ATP10B: variants seen among roughly 807,000 people sequenced by gnomAD.
The protein encoded by ATP10B is ATPase phospholipid transporting 10B (putative), also known as phospholipid-transporting ATPase VB.
ATP10B carries 122 observed loss-of-function variants against 141.2 expected under a neutral mutation model. The ratio of observed to expected loss-of-function variants is 0.86; its 90% confidence interval spans 0.75 to 1.00. ATP10B has a LOEUF of 1.00. Among genes scored for constraint, ATP10B ranks in the 50% least tolerant of loss-of-function variants. The pLI, the probability that ATP10B is intolerant of heterozygous loss-of-function variation, is 0.00. For missense variants in ATP10B, 1,876 were observed against 1,825.3 expected, an observed-to-expected ratio of 1.03 and a Z score of -0.51; for synonymous variants, 685 against 692.0, an observed-to-expected ratio of 0.99 and a Z score of 0.16.
intron 2 of ATP10B, among the ~76,000 whole-genome samples, chr5:160,760,459 C>G (rs1768949972): frequency 6.6e-6 from 1 of 152,126 alleles, no homozygotes; most frequent in South Asian, 2.1e-4. Context: ...ACCAAAGTTC[C>G]CCGTTCTTTT....
chr5:160,732,910 A>G (rs1766841635), intron 2 of ATP10B, among the ~76,000 whole-genome samples: 1 of 152,128 alleles, frequency 6.6e-6, no homozygotes, highest in Non-Finnish European at 1.5e-5. Flanking sequence ...TGGCACAATC[A>G]TAACTCACTG....
chr5:160,606,882 ACTT>A lies in ATP10B; in HGVS notation c.3040_3042del (p.Lys1014del). 1 of 1,614,140 alleles carries A rather than the reference ACTT, an allele frequency of 6.2e-7. No individual in the cohort carries two copies. The highest frequency in any genetic ancestry group is 8.5e-7 in the Non-Finnish European group (1 of 1,180,018). On this transcript the variant is annotated inframe_deletion, in exon 19 of 26. Transcript: ENST00000327245. ...CGACAATACTGGGTCAATTCCAGAA[ACTT>A]CTTCTCTAGCTTTCCCTGGAAGATG...
At chr5:160,822,717 G>A (rs1206499876) in intron 1 of ATP10B, among the ~76,000 whole-genome samples, 2 of 151,822 alleles carry the variant, frequency 1.3e-5, no homozygotes, top group Non-Finnish European at 2.9e-5. Context: ...CACCAACATA[G>A]ATGAAACTGA....
At chr5:160,808,400 C>A (rs2127943210) in intron 1 of ATP10B, among the ~76,000 whole-genome samples, 1 of 152,276 alleles carries the variant, frequency 6.6e-6, no homozygotes, top group South Asian at 2.1e-4. Context: ...ATCAGAGGAT[C>A]CTATACCATG....
At chr5:160,880,252 TATAA>T in the ATP10B span, among the ~76,000 whole-genome samples, 10 of 146,508 alleles carry the variant, frequency 6.8e-5, no homozygotes, top group African/African-American at 2.0e-4. Flanking sequence ...ATATATTATA[TATAA>T]ATAAATTATA....
chr5:160,767,641 C>CGCCCCG (rs1554113860), intron 2 of ATP10B, among the ~76,000 whole-genome samples: 4 of 114,078 alleles, frequency 3.5e-5, no homozygotes, highest in African/African-American at 1.1e-4. Context: ...CAGAACCCCC[C>CGCCCCG]CCCCCAAAAT....
At chr5:160,843,558 T>C (rs1465829228) in intron 1 of ATP10B, among the ~76,000 whole-genome samples, 2 of 151,720 alleles carry the variant, frequency 1.3e-5, no homozygotes, top group African/African-American at 4.8e-5. Context: ...CACTTAAGCT[T>C]ACCATGCAAC....
At chr5:160,906,302 C>T in the ATP10B span, among the ~76,000 whole-genome samples, 1 of 151,894 alleles carries the variant, frequency 6.6e-6, no homozygotes, top group East Asian at 1.9e-4. Flanking sequence ...GTACAGGGAT[C>T]TATTCAGAAG....
intron 12 of ATP10B, chr5:160,632,618 AGG>A: frequency 1.7e-5 from 3 of 175,436 alleles, no homozygotes; most frequent in East Asian, 1.1e-4. Context: ...ATTTCCTCAG[AGG>A]TTTTTTTTTT....
intron 1 of ATP10B, among the ~76,000 whole-genome samples, chr5:160,823,046 G>A (rs1271782418): frequency 8.3e-6 from 1 of 119,974 alleles, no homozygotes; most frequent in South Asian, 2.5e-4. Flanking sequence ...AAAATAAAGA[G>A]TGTAATTGGA....
intron 6 of ATP10B, among the ~76,000 whole-genome samples, chr5:160,683,309 C>T (rs1006056959): frequency 2.0e-5 from 3 of 152,188 alleles, no homozygotes; most frequent in African/African-American, 7.2e-5. Context: ...TGTGTCCCTC[C>T]AAGCAAAGAG....
At chr5:160,878,150 A>C in the ATP10B span, among the ~76,000 whole-genome samples, 3 of 150,366 alleles carry the variant, frequency 2.0e-5, no homozygotes, top group Middle Eastern at 3.2e-3. Context: ...AGGCTACAGT[A>C]ACCAAAACAG....
chr5:160,726,857 T>C (rs1003051277), intron 2 of ATP10B, among the ~76,000 whole-genome samples: 1 of 152,064 alleles, frequency 6.6e-6, no homozygotes, highest in African/African-American at 2.4e-5. Flanking sequence ...CATATTCTGA[T>C]TGCCTCCTTT....
chr5:160,845,044 G>A (rs929957884), intron 1 of ATP10B, among the ~76,000 whole-genome samples: 4 of 152,106 alleles, frequency 2.6e-5, no homozygotes, highest in Admixed American at 2.6e-4. Context: ...TGACTTTTGT[G>A]TGTACTTGCT....
chr5:160,772,016 A>T (rs1006225038), intron 2 of ATP10B, among the ~76,000 whole-genome samples: 1 of 152,384 alleles, frequency 6.6e-6, no homozygotes, highest in Middle Eastern at 3.4e-3. Flanking sequence ...GAGAGATTTG[A>T]AGTGTGACAG....
the ATP10B span, among the ~76,000 whole-genome samples, chr5:160,876,920 G>A: frequency 2.1e-5 from 3 of 140,856 alleles, no homozygotes; most frequent in Non-Finnish European, 4.7e-5. Context: ...AAGAGTCCAG[G>A]ACCAGATGGA....
intron 1 of ATP10B, among the ~76,000 whole-genome samples, chr5:160,833,335 C>T (rs1369600472): frequency 6.6e-6 from 1 of 152,136 alleles, no homozygotes; most frequent in Non-Finnish European, 1.5e-5. Flanking sequence ...AGCCCTAATG[C>T]TGCCTTCAAA....
chr5:160,827,608 T>C (rs1177572192), intron 1 of ATP10B, among the ~76,000 whole-genome samples: 3 of 152,034 alleles, frequency 2.0e-5, no homozygotes, highest in Non-Finnish European at 4.4e-5. Context: ...ATTTTTGGTT[T>C]GTTGCAATGG....
chr5:160,589,136 C>T (rs554510466), intron 24 of ATP10B, among the ~76,000 whole-genome samples: 22 of 152,166 alleles, frequency 1.4e-4, no homozygotes, highest in Admixed American at 3.9e-4. Flanking sequence ...CTCAGCCTCC[C>T]GAGTAGCTGT....
Sources: allele counts gnomAD v4.1 joint callset (sites outside exome capture counted in the v4.1 genomes callset), GRCh38; gene constraint gnomAD v4.1.1; transcripts MANE v1.5; gene names NCBI Gene and HGNC (gene_info 2026-07-23, HGNC 2026-07-21).